The following HDAC9 variants were observed in gnomAD, a reference collection of about 807,000 sequenced individuals.
HDAC9 encodes the protein MEF-2 interacting transcription repressor (MITR) protein.
Under a neutral mutation model 139.4 loss-of-function variants are expected in HDAC9, and 41 were observed. The observed-to-expected ratio is 0.29, with a 90% CI of 0.23 to 0.38. The LOEUF (loss-of-function observed/expected upper bound fraction) is 0.38, where lower values mean the gene tolerates loss of function less well. HDAC9 is among the 10% of genes least tolerant of loss of function. HDAC9 has a pLI of 1.00. For synonymous variants in HDAC9, 517 were observed against 476.2 expected, an observed-to-expected ratio of 1.09 and a Z score of -1.12; for missense variants, 1,147 against 1,297.0, an observed-to-expected ratio of 0.88 and a Z score of 1.78.
intron 22 of HDAC9, among the ~76,000 whole-genome samples, chr7:18,883,200 A>G (rs1799859373): frequency 1.3e-5 from 2 of 152,170 alleles, no homozygotes; most frequent in Admixed American, 6.6e-5. Flanking sequence ...TAAATAGTCC[A>G]GTGATGCTTT....
At chr7:18,614,182 G>T (rs1837960082) in intron 6 of HDAC9, among the ~76,000 whole-genome samples, 1 of 151,850 alleles carries the variant, frequency 6.6e-6, no homozygotes, top group South Asian at 2.1e-4. Flanking sequence ...CTTTTATTTG[G>T]GATCTAACTC....
rs2541316 is a variant in HDAC9 at position 18,743,406 on chromosome 7, G to A, written c.1910-5599G>A. On this transcript the variant is annotated intron_variant, in intron 13 of 25. Transcript: ENST00000686413. The stretch of plus-strand genomic sequence containing the variant: ...AGGTTTAGAAAATGCTTCTTATCTA[G>A]TGAGAGATACAATTTATCAATTTTT... Among the ~76,000 whole-genome samples the A allele has an allele frequency of 9.2e-3, 1,403 of 152,256 alleles. 25 individuals are homozygous for A. Among genetic ancestry groups the A allele is most frequent in the African/African-American group, 0.033 (1,352 of 41,536 alleles).
intron 25 of HDAC9, among the ~76,000 whole-genome samples, chr7:18,992,521 G>A (rs1282532549): frequency 6.6e-6 from 1 of 152,144 alleles, no homozygotes; most frequent in Non-Finnish European, 1.5e-5. Flanking sequence ...CCTTTCAGGA[G>A]GAAGAGGAGT....
chr7:18,113,305 C>G (rs1411724145), intron 1 of HDAC9, among the ~76,000 whole-genome samples: 3 of 152,130 alleles, frequency 2.0e-5, no homozygotes, highest in Admixed American at 2.0e-4. Context: ...CTGATTTAAT[C>G]TCTGAACTAT....
intron 2 of HDAC9, among the ~76,000 whole-genome samples, chr7:18,240,739 G>A (rs1286991706): frequency 6.6e-6 from 1 of 152,074 alleles, no homozygotes; most frequent in Non-Finnish European, 1.5e-5. Flanking sequence ...TAAGTGATAT[G>A]CACCTCAAAT....
chr7:18,208,759 A>G (rs967801323), intron 2 of HDAC9, among the ~76,000 whole-genome samples: 1 of 152,222 alleles, frequency 6.6e-6, no homozygotes, highest in Admixed American at 6.5e-5. Flanking sequence ...CTAGCTGTCA[A>G]TGAGAAGGAA....
chr7:18,443,327 T>A (rs1791966121), intron 1 of HDAC9, among the ~76,000 whole-genome samples: 2 of 152,172 alleles, frequency 1.3e-5, no homozygotes, highest in South Asian at 4.1e-4. Flanking sequence ...TGTAACTGTA[T>A]TTGCTTTGCT....
chr7:18,943,387 T>G (rs533259660), intron 23 of HDAC9, among the ~76,000 whole-genome samples: 97 of 152,244 alleles, frequency 6.4e-4, no homozygotes, highest in African/African-American at 2.3e-3. Flanking sequence ...ATTGTATTTA[T>G]TATCCTCTTT....
chr7:18,679,443 A>C (rs1280966563), intron 12 of HDAC9, among the ~76,000 whole-genome samples: 1 of 151,780 alleles, frequency 6.6e-6, no homozygotes, highest in Non-Finnish European at 1.5e-5. Context: ...TCTCCATTTA[A>C]AGAATTAGAC....
intron 1 of HDAC9, among the ~76,000 whole-genome samples, chr7:18,386,148 C>G (rs1785910695): frequency 6.6e-6 from 1 of 152,134 alleles, no homozygotes; most frequent in Non-Finnish European, 1.5e-5. Flanking sequence ...ATGAAGCTCT[C>G]CCCGATCCCC....
intron 1 of HDAC9, among the ~76,000 whole-genome samples, chr7:18,443,182 T>G (rs1235385867): frequency 6.6e-6 from 1 of 152,200 alleles, no homozygotes; most frequent in Non-Finnish European, 1.5e-5. Context: ...CTTATTGACT[T>G]GAGTTTTTTT....
rs1365073502 is a variant in HDAC9, at chr7:18,109,892, C to A, written c.-97+22679C>A. Among the ~76,000 whole-genome samples, 3 of 152,120 alleles carry A rather than the reference C, an allele frequency of 2.0e-5. No individual in the cohort carries two copies. The East Asian group carries it at 5.8e-4, about 29-fold the overall frequency. On this transcript the variant is annotated intron_variant, in intron 1 of 12. Transcript: ENST00000417496. Reference sequence around the variant, plus strand: ...TTCTGAGCAGTTTCTTAGTCATTGCCCCCACATCAATCATTGTATGGTGCT... The same window carrying A: ...TTCTGAGCAGTTTCTTAGTCATTGCACCCACATCAATCATTGTATGGTGCT...
chr7:18,091,816 G>A (rs999567098), intron 1 of HDAC9, among the ~76,000 whole-genome samples: 5 of 152,194 alleles, frequency 3.3e-5, no homozygotes, highest in East Asian at 1.9e-4. Flanking sequence ...CTGTAGGACT[G>A]AGGCCTCCAT....
At chr7:18,168,897 T>TG (rs1554318207) in intron 2 of HDAC9, among the ~76,000 whole-genome samples, 288 of 94,308 alleles carry the variant, frequency 3.1e-3, no homozygotes, top group African/African-American at 0.013. Context: ...TTTTTTTTTT[T>TG]TGTGTGTGTG....
chr7:18,301,057 T>C (rs1798506553), intron 1 of HDAC9, among the ~76,000 whole-genome samples: 1 of 150,986 alleles, frequency 6.6e-6, no homozygotes, highest in Admixed American at 6.6e-5. Context: ...AACATTTTTT[T>C]CTCTGGATGA....
chr7:18,961,546 T>G (rs1207600340), intron 24 of HDAC9, among the ~76,000 whole-genome samples: 1 of 152,132 alleles, frequency 6.6e-6, no homozygotes, highest in Non-Finnish European at 1.5e-5. Context: ...GAAGGCAGTA[T>G]CCTCCGGAAT....
intron 2 of HDAC9, among the ~76,000 whole-genome samples, chr7:18,260,302 CTTTTTTTTGTTTTTTTTTTTG>C (rs1795566697): frequency 8.5e-6 from 1 of 117,000 alleles, no homozygotes; most frequent in Admixed American, 1.0e-4. Context: ...GTGACAGACA[CTTTTTTTTGTTTTTTTTTTTG>C]TTTTTTTTTT....
rs867162453 is a variant in HDAC9 at position 18,170,608 on chromosome 7, T to G, written c.25+8259T>G. ...TAACATTTAAGTCTTTAATCCATCTTGAATTAATTTTTATATAAGGTGTAA... is the reference window on the plus strand; with the variant it reads ...TAACATTTAAGTCTTTAATCCATCTGGAATTAATTTTTATATAAGGTGTAA... On this transcript the variant is annotated intron_variant, in intron 2 of 12. Transcript: ENST00000417496. 6.6e-5 allele frequency among the ~76,000 whole-genome samples: 10 copies of G among 152,172 alleles called. No individual in the cohort carries two copies. The South Asian group carries it at 8.3e-4, about 13-fold the overall frequency.
In HDAC9 at chr7:18,541,638, A is replaced by G. The variant is rs184155296; in HGVS notation, c.23-43643A>G. 1.7e-4 allele frequency among the ~76,000 whole-genome samples: 26 copies of G among 152,290 alleles called. No homozygotes were observed. In the East Asian group the frequency reaches 4.8e-3, roughly 28 times the overall value. ...TAATTATGTGGAATTTTGTTTAGAA[A>G]TATTTTTGTTGGAACAGAAACAGGA... is the stretch of plus-strand genomic sequence containing the variant. On this transcript the variant is annotated intron_variant, in intron 2 of 25. Coordinates refer to ENST00000686413, the MANE Select transcript of HDAC9 (RefSeq NM_178425.4).
Sources: allele counts gnomAD v4.1 joint callset (sites outside exome capture counted in the v4.1 genomes callset), GRCh38; gene constraint gnomAD v4.1.1; transcripts MANE v1.5; gene names NCBI Gene and HGNC (gene_info 2026-07-23, HGNC 2026-07-21).